Variants in AP3S2 observed in about 807,000 individuals in gnomAD.
AP3S2 encodes the protein adaptor related protein complex 3 subunit sigma 2.
A neutral mutation model predicts 23.4 loss-of-function variants in AP3S2; 22 were observed. The observed-to-expected ratio is 0.94, with a 90% CI of 0.67 to 1.34. AP3S2 has a LOEUF of 1.34. Among genes scored for constraint, AP3S2 ranks in the 40% most tolerant of loss-of-function variants. The pLI is 0.00. For synonymous variants in AP3S2, 86 were observed against 87.1 expected (o/e 0.99, Z 0.07); for missense variants, 241 against 236.9 (o/e 1.02, Z -0.11).
intron 1 of AP3S2, chr15:89,893,678 C>T (rs1896871355): frequency 1.1e-5 from 6 of 556,272 alleles, no homozygotes; most frequent in Non-Finnish European, 1.6e-5. Context: ...AAAGGGTCAG[C>T]GAGAGCGGGG....
At chr15:89,856,336 A>T (rs1468565777) in intron 4 of AP3S2, among the ~76,000 whole-genome samples, 1 of 152,126 alleles carries the variant, frequency 6.6e-6, no homozygotes, top group East Asian at 1.9e-4. Flanking sequence ...GCTGAGGAGG[A>T]TGGATCACTC....
chr15:89,889,916 T>TA (rs1237630552), intron 1 of AP3S2, among the ~76,000 whole-genome samples: 1 of 151,164 alleles, frequency 6.6e-6, no homozygotes, highest in Non-Finnish European at 1.5e-5. Context: ...GTAAATGTTT[T>TA]AAAAAGTTAT....
chr15:89,839,815 G>A (rs1298037383), intron 4 of AP3S2, among the ~76,000 whole-genome samples: 4 of 151,436 alleles, frequency 2.6e-5, no homozygotes, highest in African/African-American at 9.7e-5. Flanking sequence ...AAATACAACA[G>A]AATATTATTC....
Position 89,835,374 on chromosome 15 carries a change from AAC to A in AP3S2, c.*139_*140del. ...GGAATCCCTTCCCTATTCCATGCCA[AAC>A]AGTCTTCCCCAGACACAAAGTTTCC... On this transcript the variant is annotated 3_prime_UTR_variant, in exon 6 of 6. Coordinates refer to ENST00000336418, the MANE Select transcript of AP3S2 (RefSeq NM_005829.5). 1 of 1,430,616 alleles carries A rather than the reference AAC, an allele frequency of 7.0e-7. No individual in the cohort carries two copies. Among genetic ancestry groups the A allele is most frequent in the African/African-American group, 1.4e-5 (1 of 70,010 alleles). 88.6% of individuals were successfully genotyped at this position (1,430,616 alleles called of 1,614,324 possible).
At chr15:89,893,551 TG>T (rs919730941) in intron 1 of AP3S2, 32 of 402,994 alleles carry the variant, frequency 7.9e-5, no homozygotes, top group African/African-American at 6.4e-4. Flanking sequence ...GATGACAGAA[TG>T]TGACTTCAAT....
chr15:89,890,410 C>G (rs1254399628), intron 1 of AP3S2, among the ~76,000 whole-genome samples: 1 of 152,164 alleles, frequency 6.6e-6, no homozygotes, highest in African/African-American at 2.4e-5. Context: ...ACTTTGATAA[C>G]TCACCTTTGA....
chr15:89,861,286 C>T (rs1241384321), intron 4 of AP3S2, among the ~76,000 whole-genome samples: 1 of 151,926 alleles, frequency 6.6e-6, no homozygotes, highest in Non-Finnish European at 1.5e-5. Context: ...TTGAGAGGGC[C>T]CACTGCAAAT....
At chr15:89,849,983 C>G (rs1895604896) in intron 4 of AP3S2, among the ~76,000 whole-genome samples, 1 of 152,134 alleles carries the variant, frequency 6.6e-6, no homozygotes, top group Non-Finnish European at 1.5e-5. Context: ...CAGCTTTATC[C>G]ATGTCCCTGC....
chr15:89,844,768 A>C (rs1341075276), intron 4 of AP3S2, among the ~76,000 whole-genome samples: 1 of 152,200 alleles, frequency 6.6e-6, no homozygotes, highest in Non-Finnish European at 1.5e-5. Context: ...GTGAAACAGT[A>C]AGTACAGAAT....
intron 5 of AP3S2, 150 bp from the exon 6 acceptor site, chr15:89,835,793 C>T (rs993186548): frequency 4.0e-6 from 5 of 1,264,706 alleles, no homozygotes; most frequent in South Asian, 1.6e-5. Flanking sequence ...TTTGGGAGGC[C>T]GAGGTGGGTG....
At chr15:89,846,926 C>T (rs1240553220) in intron 4 of AP3S2, among the ~76,000 whole-genome samples, 2 of 152,188 alleles carry the variant, frequency 1.3e-5, no homozygotes, top group Admixed American at 6.5e-5. Context: ...CCACCTCAGC[C>T]TCCCAAAGTG....
rs981725620 is a variant in AP3S2, at chr15:89,833,256, G to A, written c.*2259C>T. 3 of 152,206 alleles carry A rather than the reference G, an allele frequency of 2.0e-5. No individual in the cohort carries two copies. Among genetic ancestry groups the A allele is most frequent in the South Asian group, 4.1e-4 (2 of 4,828 alleles). 9.4% of individuals were successfully genotyped at this position (152,206 alleles called of 1,614,324 possible). A position where few individuals can be genotyped will look rare whatever the true frequency, so the allele number is the denominator to read the frequency against. On this transcript the variant is annotated 3_prime_UTR_variant, in exon 6 of 6. Coordinates refer to ENST00000336418, the MANE Select transcript of AP3S2 (RefSeq NM_005829.5). ...CTTTGGCTCTTATACTCTATGACATGATCACTGGCCACCTTAGAAAATCAA... is the reference window on the plus strand; with the variant it reads ...CTTTGGCTCTTATACTCTATGACATAATCACTGGCCACCTTAGAAAATCAA...
rs1452833513 is a variant in AP3S2, at chr15:89,830,999, G to C, written c.*4516C>G. 1 of 152,910 alleles carries C rather than the reference G, an allele frequency of 6.5e-6. No individual in the cohort carries two copies. The highest frequency in any genetic ancestry group is 2.4e-5 in the African/African-American group (1 of 41,462). 9.5% of individuals were successfully genotyped at this position (152,910 alleles called of 1,614,324 possible). ...GAAACACTTCTTGCTACCAGGGATG[G>C]GGGGTGGGGCTCAGCGTTTGGGGAA... On this transcript the variant is annotated 3_prime_UTR_variant, in exon 6 of 6. Transcript: ENST00000336418.
chr15:89,883,212 T>C (rs551496522), intron 3 of AP3S2, among the ~76,000 whole-genome samples: 1 of 152,312 alleles, frequency 6.6e-6, no homozygotes, highest in African/African-American at 2.4e-5. Flanking sequence ...TTATCTCATA[T>C]TCTGTCATTT....
chr15:89,851,184 G>A (rs1330754085), intron 4 of AP3S2, among the ~76,000 whole-genome samples: 3 of 152,152 alleles, frequency 2.0e-5, no homozygotes, highest in African/African-American at 7.2e-5. Flanking sequence ...AAGGAAGTCT[G>A]TGATAAATAC....
chr15:89,855,923 T>C (rs1433607686), intron 4 of AP3S2, among the ~76,000 whole-genome samples: 2 of 129,142 alleles, frequency 1.5e-5, no homozygotes, highest in East Asian at 2.2e-4. Flanking sequence ...AGCATGTGTA[T>C]GAATAAATAT....
At chr15:89,874,057 T>C (rs1397675202) in intron 3 of AP3S2, among the ~76,000 whole-genome samples, 1 of 151,730 alleles carries the variant, frequency 6.6e-6, no homozygotes, top group Non-Finnish European at 1.5e-5. Context: ...AAATACTTCG[T>C]ATTTTTAGTA....
At chr15:89,838,721 G>A (rs1409275028) in intron 4 of AP3S2, among the ~76,000 whole-genome samples, 3 of 152,332 alleles carry the variant, frequency 2.0e-5, no homozygotes, top group East Asian at 3.9e-4. Flanking sequence ...AGTCAGAGAA[G>A]AAAGGGTACA....
intron 4 of AP3S2, among the ~76,000 whole-genome samples, chr15:89,863,372 T>G (rs1055354863): frequency 3.9e-5 from 6 of 152,124 alleles, no homozygotes; most frequent in Non-Finnish European, 8.8e-5. Context: ...AGGGCTGTAT[T>G]CACTCCGAGA....
Sources: gnomAD v4.1 joint callset for allele counts (sites outside exome capture counted in the v4.1 genomes callset) on GRCh38, gnomAD v4.1.1 for gene constraint, MANE v1.5 for transcripts, NCBI Gene and HGNC (gene_info 2026-07-23, HGNC 2026-07-21) for gene names.